Variants in TTC39C observed in about 807,000 individuals in gnomAD.
The protein encoded by TTC39C is tetratricopeptide repeat protein 39C.
In TTC39C, 33 loss-of-function variants were observed where a neutral mutation model predicts 76.3. The observed-to-expected ratio is 0.43, with a 90% CI of 0.33 to 0.58. The LOEUF (loss-of-function observed/expected upper bound fraction) is 0.58. TTC39C is among the 20% of genes least tolerant of loss of function. The probability of loss-of-function intolerance (pLI) is 0.04; values close to 1 mark genes in which losing one functional copy is unlikely to be tolerated. For missense variants in TTC39C, 595 were observed against 701.4 expected (o/e 0.85, Z 1.71); for synonymous variants, 254 against 260.6 (o/e 0.97, Z 0.24).
chr18:24,083,952 C>T (rs1394281846), intron 6 of TTC39C, among the ~76,000 whole-genome samples: 1 of 152,202 alleles, frequency 6.6e-6, no homozygotes, highest in Non-Finnish European at 1.5e-5. Context: ...TAACCAGGCA[C>T]TCTGAGAAAT....
At chr18:24,091,495 T>C (rs2084515803) in intron 6 of TTC39C, among the ~76,000 whole-genome samples, 2 of 152,162 alleles carry the variant, frequency 1.3e-5, no homozygotes, top group South Asian at 4.1e-4. Context: ...CCTTATACTA[T>C]ACAAGAAAAT....
chr18:24,125,382 A>T, intron 9 of TTC39C, 45 bp from the exon 10 acceptor site: 1 of 1,611,556 alleles, frequency 6.2e-7, no homozygotes, highest in Non-Finnish European at 8.5e-7. Flanking sequence ...TTTTATTTGA[A>T]TTTGTTTTTG....
rs141308263 is a variant in TTC39C at position 23,996,921 on chromosome 18, A to G, written c.-17+3883A>G. 1.3e-3 allele frequency among the ~76,000 whole-genome samples: 191 copies of G among 151,888 alleles called. 1 individual carries two copies. Among genetic ancestry groups the G allele is most frequent in the African/African-American group, 4.4e-3 (181 of 41,406 alleles). On this transcript the variant is annotated intron_variant, in intron 1 of 13. Transcript: ENST00000304621. ...TCAGAAGATCGAAACTATCCTGGCT[A>G]ACATAGTGAAACCCCGTCTCTACTA...
intron 6 of TTC39C, among the ~76,000 whole-genome samples, chr18:24,083,601 C>G (rs79444176): frequency 0.015 from 2,352 of 152,278 alleles, 45 homozygotes; most frequent in African/African-American, 0.049. Flanking sequence ...ATCCTCAGAA[C>G]AACCCTGTGA....
At chr18:24,124,372 G>A (rs551168852) in intron 9 of TTC39C, 1 of 152,702 alleles carries the variant, frequency 6.5e-6, no homozygotes, top group Non-Finnish European at 1.5e-5. Context: ...TCTGTCTAAA[G>A]AATTGGGTGG....
At chr18:24,066,938 A>G (rs72479839) in intron 3 of TTC39C, among the ~76,000 whole-genome samples, 13,645 of 152,294 alleles carry the variant, frequency 0.09, 795 homozygotes, top group East Asian at 0.27. Flanking sequence ...AAACAGAAGC[A>G]TCTTGACATT....
chr18:24,010,206 A>G (rs1037039673), upstream of TTC39C, among the ~76,000 whole-genome samples: 2 of 152,256 alleles, frequency 1.3e-5, no homozygotes, highest in Admixed American at 6.5e-5. Flanking sequence ...AGTAAGTGAC[A>G]TAAAGAAAAC....
intron 6 of TTC39C, chr18:24,099,146 G>T (rs8092604): frequency 7.4e-6 from 1 of 134,538 alleles, no homozygotes; most frequent in Non-Finnish European, 1.6e-5. Context: ...GTGTGTGTAT[G>T]TGTGTGTCTT....
At chr18:24,017,599 C>T (rs576221947) in intron 1 of TTC39C, among the ~76,000 whole-genome samples, 27 of 152,162 alleles carry the variant, frequency 1.8e-4, no homozygotes, top group Admixed American at 8.5e-4. Flanking sequence ...GTTCATCTTA[C>T]GTATTACGTA....
chr18:24,106,468 C>T (rs564799163), intron 6 of TTC39C, among the ~76,000 whole-genome samples: 7 of 152,200 alleles, frequency 4.6e-5, no homozygotes, highest in African/African-American at 1.7e-4. Flanking sequence ...GAGGACTGTG[C>T]GACCTGGGTG....
intron 1 of TTC39C, chr18:24,022,525 T>C (rs2083529351): frequency 1.0e-6 from 1 of 982,888 alleles, no homozygotes; most frequent in Non-Finnish European, 1.2e-6. Flanking sequence ...CCATGTGCTA[T>C]CTACCTCTCT....
At chr18:24,105,885 G>A (rs763466898) in intron 6 of TTC39C, among the ~76,000 whole-genome samples, 17 of 152,318 alleles carry the variant, frequency 1.1e-4, no homozygotes, top group Admixed American at 2.6e-4. Context: ...TCTGAGGGCC[G>A]TGAGGGAGAG....
chr18:24,111,453 C>T (rs1268998951), intron 6 of TTC39C, among the ~76,000 whole-genome samples: 1 of 151,772 alleles, frequency 6.6e-6, no homozygotes, highest in African/African-American at 2.4e-5. Context: ...CCTGTAGTCC[C>T]AGCTACTTAG....
intron 4 of TTC39C, among the ~76,000 whole-genome samples, chr18:24,070,634 A>C (rs1383766500): frequency 6.6e-6 from 1 of 152,132 alleles, no homozygotes. Flanking sequence ...CACTTGAATC[A>C]GGAGTTCGAG....
At chr18:24,118,825 TA>T (rs1038456453) in intron 8 of TTC39C, among the ~76,000 whole-genome samples, 1 of 151,612 alleles carries the variant, frequency 6.6e-6, no homozygotes, top group African/African-American at 2.4e-5. Context: ...GCCAATTTTT[TA>T]AAAAAAATTT....
At chr18:24,100,303 C>T (rs1462513219) in intron 6 of TTC39C, among the ~76,000 whole-genome samples, 1 of 152,184 alleles carries the variant, frequency 6.6e-6, no homozygotes, top group Non-Finnish European at 1.5e-5. Context: ...TGGCCCTTGT[C>T]CTCCGCCTGG....
chr18:24,061,830 G>A (rs2084105289), intron 1 of TTC39C, among the ~76,000 whole-genome samples: 1 of 152,156 alleles, frequency 6.6e-6, no homozygotes, highest in South Asian at 2.1e-4. Context: ...CTGGAACCTG[G>A]GAGGCGGATG....
chr18:24,064,002 A>T (rs2084134583), intron 1 of TTC39C, 138 bp from the exon 2 acceptor site: 4 of 1,209,076 alleles, frequency 3.3e-6, no homozygotes, highest in Non-Finnish European at 4.5e-6. Flanking sequence ...AGGGTAATTT[A>T]ATCTGCTTGA....
At chr18:24,113,057 G>T (rs558016289) in intron 6 of TTC39C, among the ~76,000 whole-genome samples, 1 of 152,114 alleles carries the variant, frequency 6.6e-6, no homozygotes, top group African/African-American at 2.4e-5. Context: ...TTGTTGTGAG[G>T]TTTCCTCCAA....
Sources: gnomAD v4.1 joint callset for allele counts (sites outside exome capture counted in the v4.1 genomes callset) on GRCh38, gnomAD v4.1.1 for gene constraint, MANE v1.5 for transcripts, NCBI Gene and HGNC (gene_info 2026-07-23, HGNC 2026-07-21) for gene names.